Variants in ANO3 observed in about 807,000 individuals in gnomAD.
The protein encoded by ANO3 is anoctamin 3.
ANO3 carries 99 observed loss-of-function variants against 144.8 expected under a neutral mutation model. The ratio of observed to expected loss-of-function variants is 0.68; its 90% CI spans 0.58 to 0.81. The LOEUF (loss-of-function observed/expected upper bound fraction) is 0.81, where lower values mean the gene tolerates loss of function less well. ANO3 is among the 30% of genes least tolerant of loss of function. The pLI is 0.00. For synonymous variants in ANO3, 414 were observed against 392.6 expected (o/e 1.05, Z -0.64); for missense variants, 905 against 1,202.2 (o/e 0.75, Z 3.66).
intron 3 of ANO3, among the ~76,000 whole-genome samples, chr11:26,452,966 A>T (rs1191789077): frequency 2.0e-5 from 3 of 152,218 alleles, no homozygotes; most frequent in Non-Finnish European, 4.4e-5. Context: ...AGAATTTCAT[A>T]TCCAGCTAAA....
chr11:26,298,589 T>A (rs577196549), intron 1 of ANO3, among the ~76,000 whole-genome samples: 48 of 152,300 alleles, frequency 3.2e-4, no homozygotes, highest in Non-Finnish European at 6.8e-4. Context: ...CTTCATTGAA[T>A]GAAAGGTTTT....
chr11:26,323,424 C>T (rs11029516), intron 1 of ANO3, among the ~76,000 whole-genome samples: 3,096 of 152,200 alleles, frequency 0.02, 65 homozygotes, highest in East Asian at 0.13. Context: ...ATTCTCCCCC[C>T]AGACTTACTG....
chr11:26,497,393 A>G (rs1432592272), intron 4 of ANO3, among the ~76,000 whole-genome samples: 3 of 152,022 alleles, frequency 2.0e-5, no homozygotes, highest in South Asian at 4.1e-4. Context: ...TGGCATTGCT[A>G]GGTCAATTAG....
intron 1 of ANO3, among the ~76,000 whole-genome samples, chr11:26,433,084 T>C (rs1326778122): frequency 1.3e-5 from 2 of 152,138 alleles, no homozygotes; most frequent in Non-Finnish European, 1.5e-5. Flanking sequence ...TGAGCAGTGT[T>C]TGGTAATTCT....
At chr11:26,264,758 T>A (rs1025299667) in intron 1 of ANO3, among the ~76,000 whole-genome samples, 2 of 152,202 alleles carry the variant, frequency 1.3e-5, no homozygotes, top group African/African-American at 4.8e-5. Flanking sequence ...CACATGGCTA[T>A]TCCTGTGTGG....
At chr11:26,430,707 C>T (rs114071639) in intron 1 of ANO3, among the ~76,000 whole-genome samples, 3,289 of 152,102 alleles carry the variant, frequency 0.022, 56 homozygotes, top group African/African-American at 0.039. Flanking sequence ...ATGAAATAGA[C>T]AAACCATTAT....
At position 26,634,334 on chromosome 11, in the gene ANO3, C is replaced by A; in HGVS notation, c.1985+19C>A. ...TGGGAAGGTAAGTCAACTTTTTGTA[C>A]ATTATCTTCGCAGAGTGAAAAACAC... On this transcript the variant is annotated intron_variant, in intron 19 of 26. Coordinates refer to ENST00000256737, the MANE Select transcript of ANO3 (RefSeq NM_031418.4). The A allele has an allele frequency of 1.4e-6, 2 of 1,474,376 alleles. No homozygotes were observed. Among genetic ancestry groups the A allele is most frequent in the Non-Finnish European group, 1.9e-6 (2 of 1,053,532 alleles). The allele number at this position is 1,474,376 out of a possible 1,614,324, so 91.3% of individuals were successfully genotyped here. A position where few individuals can be genotyped will look rare whatever the true frequency, so the allele number is the denominator to read the frequency against.
Position 26,485,007 on chromosome 11 carries a change from A to G in ANO3, c.432+21859A>G, listed in dbSNP as rs117438144. 2.1e-3 allele frequency among the ~76,000 whole-genome samples: 325 copies of G among 152,212 alleles called. 2 individuals are homozygous for G. The highest frequency in any genetic ancestry group is 3.6e-3 in the Non-Finnish European group (247 of 68,008). On this transcript the variant is annotated intron_variant, in intron 4 of 26. Coordinates refer to ENST00000256737, the MANE Select transcript of ANO3 (RefSeq NM_031418.4). Reference sequence around the variant, plus strand: ...GTGTTTACCTAATGCCTGTATCCCCATTTTATATTGGAATCAACTGGCTTG... The same window carrying G: ...GTGTTTACCTAATGCCTGTATCCCCGTTTTATATTGGAATCAACTGGCTTG...
chr11:26,487,623 G>GA (rs970576772), intron 4 of ANO3, among the ~76,000 whole-genome samples: 2 of 152,020 alleles, frequency 1.3e-5, no homozygotes, highest in African/African-American at 4.8e-5. Flanking sequence ...AAGTGGCTTT[G>GA]AAAAAAATGC....
chr11:26,440,958 G>A (rs1858487445), intron 1 of ANO3, among the ~76,000 whole-genome samples: 1 of 152,016 alleles, frequency 6.6e-6, no homozygotes, highest in South Asian at 2.1e-4. Flanking sequence ...TTCTTTCCTG[G>A]TTCACACAGT....
chr11:26,440,496 T>A (rs1218952767), intron 1 of ANO3, among the ~76,000 whole-genome samples: 1 of 152,036 alleles, frequency 6.6e-6, no homozygotes, highest in African/African-American at 2.4e-5. Context: ...ATGACAGTAA[T>A]AAAGAAGACT....
chr11:26,391,181 G>T (rs757308228), intron 1 of ANO3, among the ~76,000 whole-genome samples: 19 of 151,998 alleles, frequency 1.3e-4, no homozygotes, highest in Non-Finnish European at 2.5e-4. Flanking sequence ...TCTAATGAGG[G>T]CCTTCTTGTA....
Position 26,441,977 on chromosome 11 carries a change from T to C in ANO3, c.106T>C (p.Ser36Pro). ...KETSLKPSRR[S>P]LPCLAQSYAY... is the part of the protein sequence containing the mutation. ...AACTTCGTTAAAACCGTCTCGGAGATCCCTGCCTTGCCTCGCCCAGAGCTA... is the reference window on the plus strand; with the variant it reads ...AACTTCGTTAAAACCGTCTCGGAGACCCCTGCCTTGCCTCGCCCAGAGCTA... The change falls in exon 2 of 27, where the codon TCC becomes CCC. Residue 36 changes from serine (S) to proline (P), a missense_variant. Around this residue, in one of 4 missense-constraint regions of ANO3, gnomAD observed 174 missense variants for 171.9 expected, o/e 1.01. Transcript: ENST00000256737. 2 of 1,614,180 alleles carry C rather than the reference T, an allele frequency of 1.2e-6. No homozygotes were observed. Among genetic ancestry groups the C allele is most frequent in the Non-Finnish European group, 1.7e-6 (2 of 1,180,016 alleles).
chr11:26,656,744 T>G (rs1374433713), intron 26 of ANO3, among the ~76,000 whole-genome samples: 1 of 152,128 alleles, frequency 6.6e-6, no homozygotes. Flanking sequence ...CTTTTGAGCC[T>G]CCTACTTTTG....
chr11:26,618,814 T>C (rs1163228790), intron 17 of ANO3, among the ~76,000 whole-genome samples: 2 of 152,176 alleles, frequency 1.3e-5, no homozygotes, highest in African/African-American at 4.8e-5. Flanking sequence ...CCATTCTTAA[T>C]TTGTCTCCTT....
chr11:26,495,074 CATTTATTTATTTATTTATTT>C (rs56862775), intron 4 of ANO3, among the ~76,000 whole-genome samples: 14 of 143,416 alleles, frequency 9.8e-5, no homozygotes, highest in East Asian at 2.0e-4. Flanking sequence ...TAAATATCTA[CATTTATTTATTTATTTATTT>C]ATTTATTTAT....
At chr11:26,660,199 A>G (rs1853834654) in intron 26 of ANO3, 63 bp from the exon 27 acceptor site, 2 of 1,430,860 alleles carry the variant, frequency 1.4e-6, no homozygotes, top group African/African-American at 2.8e-5. Context: ...TCATTGTTGT[A>G]CTGTTTTATA....
chr11:26,255,948 C>T (rs1853047411), intron 1 of ANO3, among the ~76,000 whole-genome samples: 1 of 152,084 alleles, frequency 6.6e-6, no homozygotes, highest in Non-Finnish European at 1.5e-5. Context: ...AGACCTCAGC[C>T]ATCTGCCAGT....
chr11:26,629,456 G>T (rs577066981), intron 18 of ANO3, among the ~76,000 whole-genome samples: 4 of 152,032 alleles, frequency 2.6e-5, no homozygotes, highest in African/African-American at 9.6e-5. Flanking sequence ...TTACGGCCAA[G>T]AATTGAATGT....
Sources: gnomAD v4.1 joint callset for allele counts (sites outside exome capture counted in the v4.1 genomes callset) on GRCh38, gnomAD v4.1.1 for gene constraint, gnomAD v4.1.1 regional missense constraint, MANE v1.5 for transcripts, NCBI Gene and HGNC (gene_info 2026-07-23, HGNC 2026-07-21) for gene names.